The following SHANK2 variants were observed in gnomAD, a reference collection of about 807,000 sequenced individuals.
SHANK2 encodes the protein SH3 and multiple ankyrin repeat domains protein 2.
In SHANK2, 43 loss-of-function variants were observed where a neutral mutation model predicts 133.7. The observed-to-expected ratio is 0.32, with a 90% confidence interval of 0.25 to 0.41. The LOEUF (loss-of-function observed/expected upper bound fraction) is 0.41. Among genes scored for constraint, SHANK2 ranks in the 10% least tolerant of loss-of-function variants. The pLI, the probability that SHANK2 is intolerant of heterozygous loss-of-function variation, is 1.00. For synonymous variants in SHANK2, 1,017 were observed against 952.8 expected (o/e 1.07, Z -1.24); for missense variants, 1,994 against 2,235.8 (o/e 0.89, Z 2.18).
chr11:70,748,039 A>C (rs182790810), intron 14 of SHANK2, among the ~76,000 whole-genome samples: 7,837 of 148,826 alleles, frequency 0.053, 272 homozygotes, highest in Non-Finnish European at 0.077. Flanking sequence ...AACGGGGGTT[A>C]TCTTGTCCAC....
intron 14 of SHANK2, among the ~76,000 whole-genome samples, chr11:70,795,640 AAGAG>A (rs1328794195): frequency 6.6e-6 from 1 of 152,156 alleles, no homozygotes; most frequent in Admixed American, 6.5e-5. Context: ...TCCTAAACTC[AAGAG>A]ATCTGCCCAC....
At chr11:70,631,407 CA>C (rs2060988752) in intron 17 of SHANK2, among the ~76,000 whole-genome samples, 5 of 150,308 alleles carry the variant, frequency 3.3e-5, no homozygotes, top group African/African-American at 9.7e-5. Context: ...CACACACACA[CA>C]CCCACACAAC....
At chr11:71,198,646 A>G (rs1341570417) in intron 2 of SHANK2, among the ~76,000 whole-genome samples, 2 of 152,042 alleles carry the variant, frequency 1.3e-5, no homozygotes, top group Non-Finnish European at 2.9e-5. Flanking sequence ...TCCACACCAC[A>G]CTGGGGATGG....
At chr11:70,862,107 G>A (rs782424998) in intron 11 of SHANK2, among the ~76,000 whole-genome samples, 3 of 152,152 alleles carry the variant, frequency 2.0e-5, no homozygotes, top group African/African-American at 7.2e-5. Context: ...CTCTCCCCAC[G>A]ATGCGGCTGT....
At chr11:70,889,201 T>C (rs1352045509) in intron 11 of SHANK2, among the ~76,000 whole-genome samples, 1 of 151,950 alleles carries the variant, frequency 6.6e-6, no homozygotes, top group Non-Finnish European at 1.5e-5. Context: ...CTGGAGTCCG[T>C]ATAAGGGAAA....
intron 3 of SHANK2, among the ~76,000 whole-genome samples, chr11:71,138,869 G>A (rs764691847): frequency 1.4e-4 from 21 of 151,664 alleles, no homozygotes; most frequent in Non-Finnish European, 2.2e-4. Context: ...GCAGACAGAC[G>A]AGAGGACATC....
chr11:70,553,206 C>T (rs1554978658), intron 17 of SHANK2, among the ~76,000 whole-genome samples: 1 of 152,056 alleles, frequency 6.6e-6, no homozygotes, highest in Admixed American at 6.5e-5. Context: ...AATTCTGCCT[C>T]AGCCTCCTGA....
intron 17 of SHANK2, among the ~76,000 whole-genome samples, chr11:70,541,116 C>T (rs1186622842): frequency 3.9e-5 from 6 of 152,194 alleles, no homozygotes; most frequent in Admixed American, 1.3e-4. Flanking sequence ...TTTCACTTGG[C>T]ATAATATCCT....
At chr11:71,161,120 A>C (rs1416157142) in intron 2 of SHANK2, among the ~76,000 whole-genome samples, 1 of 152,184 alleles carries the variant, frequency 6.6e-6, no homozygotes, top group East Asian at 1.9e-4. Flanking sequence ...TGGGGATTGA[A>C]CATGCCTCAT....
chr11:70,878,763 G>T (rs1409409882), intron 11 of SHANK2, among the ~76,000 whole-genome samples: 1 of 152,120 alleles, frequency 6.6e-6, no homozygotes, highest in African/African-American at 2.4e-5. Flanking sequence ...TCTCTGCTGC[G>T]CTACCCAGGG....
chr11:70,805,550 A>T (rs1719526487), intron 13 of SHANK2, among the ~76,000 whole-genome samples: 1 of 152,152 alleles, frequency 6.6e-6, no homozygotes, highest in Admixed American at 6.5e-5. Context: ...CTCAGTGGGG[A>T]GGAGGGAAGG....
At chr11:71,211,823 T>C (rs1954289338) in intron 2 of SHANK2, among the ~76,000 whole-genome samples, 1 of 145,496 alleles carries the variant, frequency 6.9e-6, no homozygotes, top group Non-Finnish European at 1.5e-5. Flanking sequence ...CTTTCATTCT[T>C]TTTTTCACTT....
intron 17 of SHANK2, among the ~76,000 whole-genome samples, chr11:70,585,850 G>A (rs1192681121): frequency 4.5e-5 from 1 of 22,102 alleles, no homozygotes; most frequent in Admixed American, 6.1e-4. Context: ...ACCCACCCAT[G>A]CATTTGTCCA....
intron 25 of SHANK2, among the ~76,000 whole-genome samples, chr11:70,480,895 C>T (rs1160904694): frequency 1.3e-5 from 2 of 152,204 alleles, no homozygotes; most frequent in Non-Finnish European, 2.9e-5. Context: ...GAGCTTCCGG[C>T]TCTGAGCTTT....
intron 12 of SHANK2, among the ~76,000 whole-genome samples, chr11:70,811,678 A>T (rs1555053250): frequency 6.6e-6 from 1 of 150,674 alleles, no homozygotes; most frequent in Non-Finnish European, 1.5e-5. Flanking sequence ...TCATCCATCC[A>T]TTCATCCAAC....
At chr11:70,475,091 C>T (rs2058646117) in intron 25 of SHANK2, 2 of 152,356 alleles carry the variant, frequency 1.3e-5, no homozygotes, top group South Asian at 4.1e-4. Flanking sequence ...CCCTGCCCGT[C>T]TGCTGGGGGC....
At position 70,917,146 on chromosome 11, in the gene SHANK2, C is replaced by T. The variant is rs971635242; in HGVS notation, c.1108-20579G>A. On this transcript the variant is annotated intron_variant, in intron 10 of 25. Transcript: ENST00000601538. ...ACATCCCAGCCTACTCCAAACATCA[C>T]AGGAAGTTAAGGATGCAAGAAAAAA... 3.9e-5 allele frequency among the ~76,000 whole-genome samples: 6 copies of T among 152,228 alleles called. No homozygotes were observed. In the East Asian group the frequency reaches 1.2e-3, roughly 29 times the overall value.
chr11:70,678,306 C>G (rs1416191857), intron 15 of SHANK2, among the ~76,000 whole-genome samples: 1 of 152,046 alleles, frequency 6.6e-6, no homozygotes, highest in Non-Finnish European at 1.5e-5. Context: ...CCAGGCCCAG[C>G]TAATTTTTGT....
intron 14 of SHANK2, among the ~76,000 whole-genome samples, chr11:70,715,548 A>T (rs1555027050): frequency 6.6e-6 from 1 of 152,216 alleles, no homozygotes; most frequent in East Asian, 1.9e-4. Flanking sequence ...GGACAAATGA[A>T]TCAAGCTGTT....
Sources: gnomAD v4.1 joint callset for allele counts (sites outside exome capture counted in the v4.1 genomes callset) on GRCh38, gnomAD v4.1.1 for gene constraint, MANE v1.5 for transcripts, NCBI Gene and HGNC (gene_info 2026-07-23, HGNC 2026-07-21) for gene names.